The following DNM3 variants were observed in gnomAD, a reference collection of about 807,000 sequenced individuals.
The protein encoded by DNM3 is dynamin-3.
In DNM3, 47 loss-of-function variants were observed where a neutral mutation model predicts 101.6. The ratio of observed to expected loss-of-function variants is 0.46; its 90% CI spans 0.37 to 0.59. DNM3 has a LOEUF of 0.59. DNM3 is among the 20% of genes least tolerant of loss of function. The pLI, the probability that DNM3 is intolerant of heterozygous loss-of-function variation, is 0.00. For missense variants in DNM3, 849 were observed against 1,085.7 expected (o/e 0.78, Z 3.06); for synonymous variants, 385 against 387.9 (o/e 0.99, Z 0.09).
chr1:172,403,217 C>G (rs938307171), intron 20 of DNM3, among the ~76,000 whole-genome samples: 4 of 152,128 alleles, frequency 2.6e-5, no homozygotes, highest in African/African-American at 9.7e-5. Context: ...TAAAAATTTA[C>G]CAGTCAGATA....
At chr1:172,371,725 A>G (rs2068333613) in intron 17 of DNM3, among the ~76,000 whole-genome samples, 4 of 152,020 alleles carry the variant, frequency 2.6e-5, no homozygotes, top group Non-Finnish European at 5.9e-5. Context: ...AAGATATAAT[A>G]CAGGTCATCT....
intron 17 of DNM3, among the ~76,000 whole-genome samples, chr1:172,354,118 A>T (rs1558034891): frequency 6.8e-6 from 1 of 146,504 alleles, no homozygotes; most frequent in African/African-American, 2.6e-5. Flanking sequence ...TGTGTGAGAG[A>T]GAGAGAGAGA....
intron 1 of DNM3, among the ~76,000 whole-genome samples, chr1:171,854,640 C>T (rs2033382829): frequency 6.6e-6 from 1 of 152,012 alleles, no homozygotes; most frequent in Admixed American, 6.6e-5. Context: ...TGGACTCTCC[C>T]AAAGAAAAAT....
intron 4 of DNM3, among the ~76,000 whole-genome samples, chr1:172,019,523 T>G (rs1380409484): frequency 6.6e-6 from 1 of 151,992 alleles, no homozygotes; most frequent in Admixed American, 6.6e-5. Flanking sequence ...TGATATCTGA[T>G]GTTAATTTGG....
intron 20 of DNM3, among the ~76,000 whole-genome samples, chr1:172,399,364 A>G (rs1179764814): frequency 6.6e-6 from 1 of 152,220 alleles, no homozygotes; most frequent in East Asian, 1.9e-4. Context: ...TAGAAACAAT[A>G]TGACATGTTC....
intron 1 of DNM3, among the ~76,000 whole-genome samples, chr1:171,853,061 A>G (rs1372085366): frequency 6.6e-6 from 1 of 152,184 alleles, no homozygotes; most frequent in East Asian, 1.9e-4. Context: ...TCAAAAAATC[A>G]TTATGCCTGT....
At chr1:171,886,837 C>T (rs774890056) in intron 1 of DNM3, among the ~76,000 whole-genome samples, 8 of 152,120 alleles carry the variant, frequency 5.3e-5, no homozygotes, top group Non-Finnish European at 1.2e-4. Context: ...CCAATGCACA[C>T]AGCTCTCTTA....
At chr1:171,934,155 C>T (rs1429376257) in intron 2 of DNM3, among the ~76,000 whole-genome samples, 1 of 152,006 alleles carries the variant, frequency 6.6e-6, no homozygotes, top group Admixed American at 6.5e-5. Flanking sequence ...TTCATTTGTC[C>T]TGGTGAGGAA....
intron 11 of DNM3, among the ~76,000 whole-genome samples, chr1:172,078,772 T>G (rs1453063964): frequency 6.6e-6 from 1 of 152,218 alleles, no homozygotes; most frequent in Non-Finnish European, 1.5e-5. Context: ...GGTTTTTCTT[T>G]TCCATATTTA....
chr1:171,913,370 G>A (rs1376838299), intron 1 of DNM3, among the ~76,000 whole-genome samples: 2 of 152,136 alleles, frequency 1.3e-5, no homozygotes, highest in Non-Finnish European at 2.9e-5. Context: ...ATATTATAGA[G>A]TAGCTGACAG....
chr1:172,410,414 C>T lies in DNM3; in HGVS notation c.*2573C>T, dbSNP rs1442069529. The T allele has an allele frequency of 1.5e-5, 15 of 984,764 alleles. No homozygotes were observed. The highest frequency in any genetic ancestry group is 1.8e-5 in the Non-Finnish European group (15 of 829,492). The allele number at this position is 984,764 out of a possible 1,614,324, so 61.0% of individuals were successfully genotyped here. A position where few individuals can be genotyped will look rare whatever the true frequency, so the allele number is the denominator to read the frequency against. ...GATATTGTAAACACAATAGATGTAG[C>T]TCTATCATGTCTAGCATAATTTAAA... On this transcript the variant is annotated 3_prime_UTR_variant, in exon 21 of 21. Transcript: ENST00000627582.
At chr1:172,147,246 A>G (rs1011706431) in intron 14 of DNM3, among the ~76,000 whole-genome samples, 2 of 152,244 alleles carry the variant, frequency 1.3e-5, no homozygotes, top group Non-Finnish European at 2.9e-5. Flanking sequence ...ATCTGTTACC[A>G]AGTGCAGTTT....
At chr1:171,881,266 C>A (rs1018630134) in intron 1 of DNM3, among the ~76,000 whole-genome samples, 1 of 151,952 alleles carries the variant, frequency 6.6e-6, no homozygotes, top group African/African-American at 2.4e-5. Context: ...AATGATGTGG[C>A]CTTTTTAGGA....
chr1:172,159,955 C>T (rs1438155093), intron 14 of DNM3, among the ~76,000 whole-genome samples: 1 of 151,374 alleles, frequency 6.6e-6, no homozygotes, highest in East Asian at 1.9e-4. Context: ...TAAACCCATA[C>T]AGCATGTTAC....
intron 4 of DNM3, among the ~76,000 whole-genome samples, chr1:172,029,012 C>T (rs901565853): frequency 6.6e-6 from 1 of 152,166 alleles, no homozygotes; most frequent in African/African-American, 2.4e-5. Flanking sequence ...CCTTCTGAAA[C>T]TATTCCAATC....
chr1:172,319,867 C>T (rs2065607350), intron 16 of DNM3, among the ~76,000 whole-genome samples: 1 of 152,092 alleles, frequency 6.6e-6, no homozygotes, highest in African/African-American at 2.4e-5. Context: ...TTTGACCCAG[C>T]CATCCCATTA....
chr1:172,241,794 C>T (rs2061757885), intron 14 of DNM3, among the ~76,000 whole-genome samples: 1 of 152,154 alleles, frequency 6.6e-6, no homozygotes, highest in Non-Finnish European at 1.5e-5. Flanking sequence ...CTGCCGGTCT[C>T]TCATTTGACT....
chr1:171,960,026 C>G (rs2043114878), intron 2 of DNM3, among the ~76,000 whole-genome samples: 1 of 152,080 alleles, frequency 6.6e-6, no homozygotes, highest in Admixed American at 6.6e-5. Flanking sequence ...GTATAGGACT[C>G]TATTCAAAAA....
At chr1:172,207,359 AT>A (rs1259202499) in intron 14 of DNM3, among the ~76,000 whole-genome samples, 20 of 152,140 alleles carry the variant, frequency 1.3e-4, no homozygotes, top group African/African-American at 4.3e-4. Context: ...TCAAAAGGTC[AT>A]TTTAGGTAAC....
Sources: gnomAD v4.1 joint callset for allele counts (sites outside exome capture counted in the v4.1 genomes callset) on GRCh38, gnomAD v4.1.1 for gene constraint, MANE v1.5 for transcripts, NCBI Gene and HGNC (gene_info 2026-07-23, HGNC 2026-07-21) for gene names.